STK33: variants seen among roughly 807,000 people sequenced by gnomAD.
STK33 encodes the protein serine/threonine kinase 33.
In STK33, 52 loss-of-function variants were observed where a neutral mutation model predicts 58.0. The observed-to-expected ratio is 0.90, with a 90% CI of 0.72 to 1.13. STK33 has a LOEUF of 1.13. Among genes scored for constraint, STK33 ranks in the 50% most tolerant of loss-of-function variants. The probability of loss-of-function intolerance (pLI) is 0.00; values close to 1 mark genes in which losing one functional copy is unlikely to be tolerated. For synonymous variants in STK33, 215 were observed against 200.1 expected, an observed-to-expected ratio of 1.07 and a Z score of -0.63; for missense variants, 630 against 604.2, an observed-to-expected ratio of 1.04 and a Z score of -0.45.
intron 1 of STK33, among the ~76,000 whole-genome samples, chr11:8,496,699 C>A (rs925489314): frequency 2.0e-4 from 30 of 151,828 alleles, no homozygotes; most frequent in African/African-American, 6.5e-4. Flanking sequence ...CTCAGCCTCC[C>A]GAGTAGCTGG....
intron 1 of STK33, among the ~76,000 whole-genome samples, chr11:8,582,886 G>C (rs1221083113): frequency 6.6e-6 from 1 of 152,148 alleles, no homozygotes; most frequent in Non-Finnish European, 1.5e-5. Flanking sequence ...TAGTGGAGAA[G>C]CAACCACAGA....
intron 11 of STK33, among the ~76,000 whole-genome samples, chr11:8,450,689 G>C (rs1349905040): frequency 6.6e-6 from 1 of 151,768 alleles, no homozygotes; most frequent in African/African-American, 2.4e-5. Flanking sequence ...CATCAGAAAA[G>C]ACAAAGGAAG....
intron 14 of STK33, among the ~76,000 whole-genome samples, chr11:8,426,846 TTA>T (rs367602685): frequency 7.6e-4 from 116 of 152,228 alleles, no homozygotes; most frequent in African/African-American, 2.7e-3. Context: ...CTCCCACTCT[TTA>T]TATGTTTTTC....
chr11:8,357,488 C>A, the STK33 span, among the ~76,000 whole-genome samples: 1 of 152,246 alleles, frequency 6.6e-6, no homozygotes, highest in Non-Finnish European at 1.5e-5. Flanking sequence ...TATTAATATA[C>A]ATGTCTGTCG....
chr11:8,592,423 T>C (rs1040824530), intron 1 of STK33, among the ~76,000 whole-genome samples: 2 of 152,144 alleles, frequency 1.3e-5, no homozygotes, highest in African/African-American at 4.8e-5. Flanking sequence ...AATAAGGAGG[T>C]GCCATTTTTA....
intron 1 of STK33, among the ~76,000 whole-genome samples, chr11:8,580,191 A>T (rs373959773): frequency 9.8e-5 from 15 of 152,306 alleles, no homozygotes; most frequent in African/African-American, 3.4e-4. Context: ...TACTATTCAC[A>T]ATAGCCAAGA....
chr11:8,586,640 A>G (rs906005427), intron 1 of STK33, among the ~76,000 whole-genome samples: 2 of 152,032 alleles, frequency 1.3e-5, no homozygotes, highest in Non-Finnish European at 2.9e-5. Flanking sequence ...CCTGGCCAAC[A>G]TGGTGAAACC....
At chr11:8,560,914 A>G (rs1333528526) in intron 1 of STK33, among the ~76,000 whole-genome samples, 2 of 152,214 alleles carry the variant, frequency 1.3e-5, no homozygotes, top group Non-Finnish European at 2.9e-5. Flanking sequence ...TAGCAGATTC[A>G]TCAACTACAG....
At chr11:8,431,494 C>CATA (rs548882841) in intron 14 of STK33, among the ~76,000 whole-genome samples, 49 of 152,276 alleles carry the variant, frequency 3.2e-4, no homozygotes, top group African/African-American at 1.2e-3. Context: ...ACCTTGATTA[C>CATA]AAAGTGCTTT....
At chr11:8,455,584 G>A (rs975501467) in intron 9 of STK33, among the ~76,000 whole-genome samples, 3 of 151,948 alleles carry the variant, frequency 2.0e-5, no homozygotes, top group African/African-American at 4.8e-5. Context: ...TGAGGCGGGC[G>A]GATCATGAGG....
At chr11:8,509,116 CAAA>C (rs1161851155) in intron 1 of STK33, among the ~76,000 whole-genome samples, 2 of 45,416 alleles carry the variant, frequency 4.4e-5, no homozygotes, top group South Asian at 9.6e-4. Context: ...AACTCTGTCT[CAAA>C]AAAAAAAAAA....
At chr11:8,489,272 G>GAAAAAAAAAAAA (rs60919146) in intron 1 of STK33, among the ~76,000 whole-genome samples, 1 of 126,600 alleles carries the variant, frequency 7.9e-6, no homozygotes, top group Non-Finnish European at 1.6e-5. Context: ...AAAAAAAAAA[G>GAAAAAAAAAAAA]AAAAAAAAAA....
At chr11:8,549,630 G>C (rs12282331) in intron 1 of STK33, among the ~76,000 whole-genome samples, 14,601 of 152,046 alleles carry the variant, frequency 0.096, 1,026 homozygotes, top group Non-Finnish European at 0.14. Context: ...CTTTGTTGGG[G>C]AACTTCTGAT....
the STK33 span, among the ~76,000 whole-genome samples, chr11:8,346,903 G>T: frequency 3.9e-5 from 6 of 152,184 alleles, no homozygotes; most frequent in African/African-American, 1.4e-4. Flanking sequence ...AAAAGTGTAA[G>T]ATTTTATACA....
At chr11:8,415,955 G>A (rs1466101946) in intron 14 of STK33, among the ~76,000 whole-genome samples, 1 of 152,108 alleles carries the variant, frequency 6.6e-6, no homozygotes, top group African/African-American at 2.4e-5. Context: ...AAACTGCACT[G>A]CTAGCTCTTC....
chr11:8,425,495 T>C (rs1942608464), intron 14 of STK33, among the ~76,000 whole-genome samples: 2 of 152,196 alleles, frequency 1.3e-5, no homozygotes, highest in African/African-American at 4.8e-5. Context: ...ATATGAACTT[T>C]AAAGTAGTTT....
At chr11:8,452,329 C>G (rs1946383374) in intron 11 of STK33, among the ~76,000 whole-genome samples, 1 of 152,088 alleles carries the variant, frequency 6.6e-6, no homozygotes, top group Non-Finnish European at 1.5e-5. Context: ...AGAGAAATAA[C>G]AAAATTTTTT....
At chr11:8,587,369 T>G (rs1475193032) in intron 1 of STK33, among the ~76,000 whole-genome samples, 1 of 152,138 alleles carries the variant, frequency 6.6e-6, no homozygotes, top group Non-Finnish European at 1.5e-5. Context: ...AAGCCCCATT[T>G]TATAGAAAAA....
chr11:8,358,550 C>T, the STK33 span, among the ~76,000 whole-genome samples: 9 of 152,204 alleles, frequency 5.9e-5, no homozygotes, highest in African/African-American at 1.4e-4. Context: ...TGCTACAGGG[C>T]GCCTGGAGGG....
Sources: allele counts gnomAD v4.1 joint callset (sites outside exome capture counted in the v4.1 genomes callset), GRCh38; gene constraint gnomAD v4.1.1; transcripts MANE v1.5; gene names NCBI Gene and HGNC (gene_info 2026-07-23, HGNC 2026-07-21).